Variants in POC1A observed in about 807,000 individuals in gnomAD.
POC1A encodes the protein POC1 centriolar protein homolog A.
In POC1A, 34 loss-of-function variants were observed where a neutral mutation model predicts 47.8. The ratio of observed to expected loss-of-function variants is 0.71; its 90% CI spans 0.54 to 0.95. The LOEUF is 0.95. Among genes scored for constraint, POC1A ranks in the 40% least tolerant of loss-of-function variants. POC1A has a pLI of 0.00. For missense variants in POC1A, 466 were observed against 528.3 expected (o/e 0.88, Z 1.16); for synonymous variants, 177 against 207.6 (o/e 0.85, Z 1.27).
chr3:52,154,232 G>T, intron 1 of POC1A, 123 bp downstream of exon 1: 1 of 1,080,736 alleles, frequency 9.3e-7, no homozygotes. Flanking sequence ...AACTGGACCT[G>T]AAGAGGACCA....
At chr3:52,119,344 G>A (rs557130594) in intron 9 of POC1A, among the ~76,000 whole-genome samples, 1 of 151,826 alleles carries the variant, frequency 6.6e-6, no homozygotes, top group Admixed American at 6.6e-5. Flanking sequence ...GTGATTCTAA[G>A]CTGGGGACAA....
intron 1 of POC1A, among the ~76,000 whole-genome samples, chr3:52,152,309 C>T (rs1698583195): frequency 1.3e-5 from 2 of 151,948 alleles, no homozygotes; most frequent in Admixed American, 6.6e-5. Context: ...GTGGCTCACG[C>T]CTGTAATCCC....
intron 10 of POC1A, among the ~76,000 whole-genome samples, chr3:52,083,157 A>C (rs1702355130): frequency 6.6e-6 from 1 of 152,098 alleles, no homozygotes; most frequent in Admixed American, 6.5e-5. Flanking sequence ...GGGCATCACG[A>C]GAGTTCAGAG....
chr3:52,138,294 C>T lies in POC1A; in HGVS notation c.688G>A (p.Ala230Thr). The change falls in exon 7 of 11, where the codon GCA becomes ACA. Residue 230 changes from alanine to threonine, a missense_variant. Transcript: ENST00000296484. ...TGGAAAGAGAGCCCGTTCACTGCTG[C>T]ACTGTGCACTGGGGGAAGGACATCA... Reference protein sequence around the residue: ...RLLQHYQLHSAAVNGLSFHPS... With the variant: ...RLLQHYQLHSTAVNGLSFHPS... 1 of 1,611,670 alleles carries T rather than the reference C, an allele frequency of 6.2e-7. No homozygotes were observed. Among genetic ancestry groups the T allele is most frequent in the Non-Finnish European group, 8.5e-7 (1 of 1,178,794 alleles).
At chr3:52,130,141 G>A (rs567114101) in intron 7 of POC1A, among the ~76,000 whole-genome samples, 1 of 152,210 alleles carries the variant, frequency 6.6e-6, no homozygotes, top group South Asian at 2.1e-4. Context: ...CACCTCTCAC[G>A]CGTTGCAAAA....
chr3:52,085,813 A>C (rs1435400495), intron 10 of POC1A, among the ~76,000 whole-genome samples: 1 of 152,230 alleles, frequency 6.6e-6, no homozygotes, highest in Non-Finnish European at 1.5e-5. Context: ...AGTCACTGCA[A>C]TATTCATATT....
chr3:52,113,212 T>C (rs372949333), intron 9 of POC1A, among the ~76,000 whole-genome samples: 7 of 152,232 alleles, frequency 4.6e-5, no homozygotes, highest in African/African-American at 1.4e-4. Context: ...AACTTAGTAA[T>C]TATTTAACAT....
intron 6 of POC1A, among the ~76,000 whole-genome samples, chr3:52,144,056 C>A (rs1223286115): frequency 6.6e-6 from 1 of 152,220 alleles, no homozygotes; most frequent in East Asian, 1.9e-4. Flanking sequence ...TGTGTTATAA[C>A]CCTTTTGTGG....
chr3:52,116,205 C>T (rs1436518649), intron 9 of POC1A, among the ~76,000 whole-genome samples: 2 of 152,048 alleles, frequency 1.3e-5, no homozygotes, highest in Non-Finnish European at 1.5e-5. Context: ...AATCTCTGGG[C>T]CAGGAATCAG....
At chr3:52,122,227 A>G (rs2107089406) in intron 9 of POC1A, 152 bp downstream of exon 9, 1 of 592,226 alleles carries the variant, frequency 1.7e-6, no homozygotes, top group East Asian at 2.8e-5. Flanking sequence ...CACAACTTCC[A>G]AAGTATTTGG....
chr3:52,123,503 G>GT (rs776948623), intron 8 of POC1A, among the ~76,000 whole-genome samples: 36 of 152,200 alleles, frequency 2.4e-4, no homozygotes, highest in Non-Finnish European at 2.6e-4. Flanking sequence ...GGACGCAGCT[G>GT]TGAGCCTCGT....
At chr3:52,081,381 A>G (rs972407543) in intron 10 of POC1A, among the ~76,000 whole-genome samples, 3 of 151,956 alleles carry the variant, frequency 2.0e-5, no homozygotes, top group Admixed American at 6.6e-5. Flanking sequence ...CACCTCCCCA[A>G]CGCTGGCCTG....
chr3:52,152,273 TA>T (rs1239085838), intron 1 of POC1A, among the ~76,000 whole-genome samples: 2 of 151,632 alleles, frequency 1.3e-5, no homozygotes, highest in African/African-American at 2.4e-5. Flanking sequence ...AGACCCTGAC[TA>T]AAAAAAAGTA....
intron 10 of POC1A, among the ~76,000 whole-genome samples, chr3:52,083,711 G>T (rs1702372201): frequency 6.6e-6 from 1 of 152,132 alleles, no homozygotes; most frequent in African/African-American, 2.4e-5. Context: ...GGCCACCTGG[G>T]ACTGAGCTCC....
chr3:52,122,583 T>C (rs574097820), intron 8 of POC1A, 106 bp from the exon 9 acceptor site: 231 of 732,378 alleles, frequency 3.2e-4, no homozygotes, highest in Non-Finnish European at 4.0e-4. Flanking sequence ...TGAGCCATGG[T>C]GGGATAGTGG....
chr3:52,082,848 C>T (rs963303362), intron 10 of POC1A, among the ~76,000 whole-genome samples: 7 of 152,110 alleles, frequency 4.6e-5, no homozygotes, highest in Non-Finnish European at 7.3e-5. Context: ...GGAACACTGG[C>T]GACATCTCAA....
intron 9 of POC1A, among the ~76,000 whole-genome samples, chr3:52,114,504 T>C (rs184660524): frequency 2.0e-5 from 3 of 152,210 alleles, no homozygotes; most frequent in Admixed American, 2.0e-4. Flanking sequence ...GAAGGCACGG[T>C]TATCTGTCCC....
Position 52,096,184 on chromosome 3 carries a change from T to G in POC1A, c.1125+385A>C, listed in dbSNP as rs146709783. ...AAGGAAAGGTCCAGGCTCAAACTCA[T>G]AGCCTAGGTTCTCAGAAGCCCTGAC... On this transcript the variant is annotated intron_variant, in intron 10 of 10. Coordinates refer to ENST00000296484, the MANE Select transcript of POC1A (RefSeq NM_015426.5). Among the ~76,000 whole-genome samples, 896 of 152,366 alleles carry G rather than the reference T, an allele frequency of 5.9e-3. 9 individuals are homozygous for G. The highest frequency in any genetic ancestry group is 0.019 in the African/African-American group (778 of 41,594).
At position 52,129,550 on chromosome 3, in the gene POC1A, G is replaced by A. The variant is rs193114168; in HGVS notation, c.814-4369C>T. Reference sequence around the variant, plus strand: ...TTCCTCTGAGCAGCGGCTCCTGGCTGGGCCTTCAGCAGTGTGGATGCCGGC... The same window carrying A: ...TTCCTCTGAGCAGCGGCTCCTGGCTAGGCCTTCAGCAGTGTGGATGCCGGC... On this transcript the variant is annotated intron_variant, in intron 7 of 10. Coordinates refer to ENST00000296484, the MANE Select transcript of POC1A (RefSeq NM_015426.5). Among the ~76,000 whole-genome samples the A allele has an allele frequency of 4.9e-4, 74 of 152,284 alleles. 1 individual carries two copies. Among genetic ancestry groups the A allele is most frequent in the Middle Eastern group, 3.4e-3 (1 of 294 alleles).
Sources: gnomAD v4.1 joint callset for allele counts (sites outside exome capture counted in the v4.1 genomes callset) on GRCh38, gnomAD v4.1.1 for gene constraint, MANE v1.5 for transcripts, NCBI Gene and HGNC (gene_info 2026-07-23, HGNC 2026-07-21) for gene names.